Variants in TMEM178B observed in about 807,000 individuals in gnomAD.
TMEM178B encodes transmembrane protein 178B.
A neutral mutation model predicts 31.0 loss-of-function variants in TMEM178B; 5 were observed. The observed-to-expected ratio is 0.16, with a 90% CI of 0.08 to 0.34. The LOEUF (loss-of-function observed/expected upper bound fraction) is 0.34. Among genes scored for constraint, TMEM178B ranks in the 10% least tolerant of loss-of-function variants. The pLI, the probability that TMEM178B is intolerant of heterozygous loss-of-function variation, is 1.00. For missense variants in TMEM178B, 275 were observed against 400.3 expected, an observed-to-expected ratio of 0.69 and a Z score of 2.67; for synonymous variants, 164 against 164.0, an observed-to-expected ratio of 1.00 and a Z score of 0.00.
intron 1 of TMEM178B, among the ~76,000 whole-genome samples, chr7:141,080,990 CTG>C (rs1463062888): frequency 6.6e-6 from 1 of 152,144 alleles, no homozygotes; most frequent in Admixed American, 6.5e-5. Context: ...AATAAAATGA[CTG>C]TTACTGGTTT....
chr7:141,126,073 T>C (rs1184705864), intron 1 of TMEM178B, among the ~76,000 whole-genome samples: 1 of 152,210 alleles, frequency 6.6e-6, no homozygotes, highest in Admixed American at 6.5e-5. Context: ...TACCAAGCGA[T>C]GACCAGATTG....
intron 1 of TMEM178B, among the ~76,000 whole-genome samples, chr7:141,126,856 AGTGTGTGTGTGTGTGT>A (rs10600930): frequency 4.8e-4 from 70 of 145,686 alleles, no homozygotes; most frequent in Admixed American, 1.0e-3. Flanking sequence ...ATCTTCTCAA[AGTGTGTGTGTGTGTGT>A]GTGTGTGTGT....
At chr7:141,454,638 A>G (rs1338947058) in intron 3 of TMEM178B, among the ~76,000 whole-genome samples, 2 of 133,548 alleles carry the variant, frequency 1.5e-5, no homozygotes, top group Non-Finnish European at 3.1e-5. Flanking sequence ...TTCCTCACCC[A>G]CCAATATGAG....
intron 2 of TMEM178B, among the ~76,000 whole-genome samples, chr7:141,316,966 C>G (rs942439360): frequency 6.6e-6 from 1 of 152,194 alleles, no homozygotes; most frequent in Non-Finnish European, 1.5e-5. Context: ...GATGGTTAGG[C>G]ATTTGCCACA....
intron 1 of TMEM178B, among the ~76,000 whole-genome samples, chr7:141,082,602 A>G (rs1344389424): frequency 6.6e-6 from 1 of 152,278 alleles, no homozygotes; most frequent in Admixed American, 6.5e-5. Context: ...AGTGAGAGTC[A>G]GTGATTCAAG....
chr7:141,297,130 G>A (rs1357381289), intron 2 of TMEM178B: 2 of 152,196 alleles, frequency 1.3e-5, no homozygotes, highest in African/African-American at 4.8e-5. Flanking sequence ...ATGTACTGAT[G>A]TATGTTTTCC....
chr7:141,226,373 CCT>C (rs780491331), intron 2 of TMEM178B, among the ~76,000 whole-genome samples: 2 of 152,134 alleles, frequency 1.3e-5, no homozygotes, highest in African/African-American at 4.8e-5. Context: ...CTCCGTGTTG[CCT>C]GAGTCCCACA....
At chr7:141,398,020 G>A (rs1800688429) in intron 2 of TMEM178B, among the ~76,000 whole-genome samples, 1 of 152,178 alleles carries the variant, frequency 6.6e-6, no homozygotes, top group Non-Finnish European at 1.5e-5. Flanking sequence ...TTCATTTTCA[G>A]AGTCAGGAGA....
rs145824463 is a variant in TMEM178B, at chr7:141,131,715, G to C, written c.382+57023G>C. ...TCTACTACCTTGTTGATGGGCATTT[G>C]GGTAGTTTCTAGTTTTGGGCTATTT... On this transcript the variant is annotated intron_variant, in intron 1 of 3. Coordinates refer to ENST00000565468, the MANE Select transcript of TMEM178B (RefSeq NM_001195278.2). Among the ~76,000 whole-genome samples the C allele has an allele frequency of 3.1e-3, 471 of 152,162 alleles. 4 individuals are homozygous for C. Among genetic ancestry groups the C allele is most frequent in the African/African-American group, 0.011 (444 of 41,510 alleles).
chr7:141,265,140 G>A (rs183236981), intron 2 of TMEM178B, among the ~76,000 whole-genome samples: 1 of 152,316 alleles, frequency 6.6e-6, no homozygotes, highest in African/African-American at 2.4e-5. Context: ...AAGTCCCCAT[G>A]ATGGACATGG....
intron 2 of TMEM178B, among the ~76,000 whole-genome samples, chr7:141,413,267 ACAAC>A (rs1417744807): frequency 6.6e-6 from 1 of 152,188 alleles, no homozygotes; most frequent in Non-Finnish European, 1.5e-5. Context: ...ATTCCAAATC[ACAAC>A]TTTTTTTTCT....
chr7:141,202,876 C>T (rs911019256), intron 1 of TMEM178B, among the ~76,000 whole-genome samples: 2 of 152,186 alleles, frequency 1.3e-5, no homozygotes, highest in African/African-American at 2.4e-5. Context: ...ATTTCTGCCC[C>T]ATTTGGGGAC....
intron 2 of TMEM178B, among the ~76,000 whole-genome samples, chr7:141,280,941 G>A (rs988517876): frequency 6.6e-5 from 10 of 152,284 alleles, no homozygotes; most frequent in South Asian, 2.1e-4. Flanking sequence ...GAAAACGAAT[G>A]GTTTAATGTA....
At chr7:141,373,336 G>A (rs1199881116) in intron 2 of TMEM178B, among the ~76,000 whole-genome samples, 1 of 152,122 alleles carries the variant, frequency 6.6e-6, no homozygotes, top group Non-Finnish European at 1.5e-5. Context: ...AACAACAACA[G>A]CAAACAACAA....
chr7:141,405,307 C>T (rs907524081), intron 2 of TMEM178B, among the ~76,000 whole-genome samples: 12 of 152,232 alleles, frequency 7.9e-5, no homozygotes, highest in African/African-American at 2.2e-4. Flanking sequence ...GCCAAGGGCT[C>T]GGCCTGGCTA....
chr7:141,489,796 T>C, the TMEM178B span, among the ~76,000 whole-genome samples: 1 of 152,158 alleles, frequency 6.6e-6, no homozygotes, highest in African/African-American at 2.4e-5. Context: ...GGGCTCAAGA[T>C]TTTTGCATGC....
intron 1 of TMEM178B, among the ~76,000 whole-genome samples, chr7:141,191,710 G>C (rs1796699464): frequency 6.6e-6 from 1 of 152,130 alleles, no homozygotes; most frequent in African/African-American, 2.4e-5. Context: ...TTTCTTATCA[G>C]TTGTAGGTGC....
rs559383932 is a variant in TMEM178B, at chr7:141,154,356, G to A, written c.383-58235G>A. 1.7e-4 allele frequency among the ~76,000 whole-genome samples: 26 copies of A among 152,328 alleles called. 1 individual carries two copies. The highest frequency in any genetic ancestry group is 6.3e-4 in the African/African-American group (26 of 41,578). On this transcript the variant is annotated intron_variant, in intron 1 of 3. Coordinates refer to ENST00000565468, the MANE Select transcript of TMEM178B (RefSeq NM_001195278.2). ...ATGGGTCGCTGAGGTCCTCATTGCTGGAACTGGTCCTCGAGGGCAGGTGTG... is the reference window on the plus strand; with the variant it reads ...ATGGGTCGCTGAGGTCCTCATTGCTAGAACTGGTCCTCGAGGGCAGGTGTG...
At position 141,475,505 on chromosome 7, in the gene TMEM178B, A is replaced by G. The variant is rs1381959987; in HGVS notation, c.*4719A>G. 1 of 152,176 alleles carries G rather than the reference A, an allele frequency of 6.6e-6. No individual in the cohort carries two copies. Among genetic ancestry groups the G allele is most frequent in the Non-Finnish European group, 1.5e-5 (1 of 68,024 alleles). 9.4% of individuals were successfully genotyped at this position (152,176 alleles called of 1,614,324 possible). A position where few individuals can be genotyped will look rare whatever the true frequency, so the allele number is the denominator to read the frequency against. ...ATAATCCAGTCACTCTGAGGCATCT[A>G]CCGCGGGCCCAATCCAAATGGTCAT... On this transcript the variant is annotated 3_prime_UTR_variant, in exon 4 of 4. Transcript: ENST00000565468.
Sources: gnomAD v4.1 joint callset for allele counts (sites outside exome capture counted in the v4.1 genomes callset) on GRCh38, gnomAD v4.1.1 for gene constraint, MANE v1.5 for transcripts, NCBI Gene and HGNC (gene_info 2026-07-23, HGNC 2026-07-21) for gene names.